Variants in SYT1 observed in about 807,000 individuals in gnomAD.
The protein encoded by SYT1 is synaptotagmin 1.
Under a neutral mutation model 44.8 loss-of-function variants are expected in SYT1, and 8 were observed. That is an observed-to-expected ratio of 0.18 (90% CI 0.10 to 0.32). SYT1 has a LOEUF of 0.32. Ranked by LOEUF, SYT1 falls within the 10% of genes least tolerant of loss-of-function variation. The pLI is 1.00. For missense variants in SYT1, 286 were observed against 509.3 expected (o/e 0.56, Z 4.22); for synonymous variants, 154 against 188.8 (o/e 0.82, Z 1.51).
intron 2 of SYT1, among the ~76,000 whole-genome samples, chr12:79,006,855 C>A (rs111379082): frequency 1.7e-3 from 266 of 152,184 alleles, no homozygotes; most frequent in African/African-American, 5.8e-3. Context: ...CTTTGAAACA[C>A]AGTTTGTTAA....
intron 8 of SYT1, among the ~76,000 whole-genome samples, chr12:79,352,345 G>A (rs1882944574): frequency 6.6e-6 from 1 of 152,106 alleles, no homozygotes; most frequent in South Asian, 2.1e-4. Flanking sequence ...TTACTTGAAA[G>A]TGCCTTAGTA....
intron 9 of SYT1, among the ~76,000 whole-genome samples, chr12:79,395,244 G>A (rs1884820305): frequency 6.6e-6 from 1 of 151,998 alleles, no homozygotes; most frequent in Non-Finnish European, 1.5e-5. Context: ...TTTTGAGATG[G>A]AGTCACTTCT....
chr12:79,397,452 C>A (rs1410442615), intron 9 of SYT1, among the ~76,000 whole-genome samples: 6 of 152,134 alleles, frequency 3.9e-5, no homozygotes, highest in African/African-American at 7.2e-5. Context: ...TGGTCTCGAA[C>A]TCCCGGCTCA....
chr12:78,998,432 G>A (rs1870518107), intron 2 of SYT1, among the ~76,000 whole-genome samples: 1 of 152,084 alleles, frequency 6.6e-6, no homozygotes, highest in African/African-American at 2.4e-5. Context: ...TCAGGGATCT[G>A]GATTATGAGC....
At chr12:79,387,253 G>A (rs926720378) in intron 9 of SYT1, among the ~76,000 whole-genome samples, 3 of 152,128 alleles carry the variant, frequency 2.0e-5, no homozygotes, top group African/African-American at 7.2e-5. Flanking sequence ...CAGTTGAAGA[G>A]ACAGTAACCC....
chr12:78,962,332 C>CTTTTT (rs35875550), intron 1 of SYT1, among the ~76,000 whole-genome samples: 26 of 130,092 alleles, frequency 2.0e-4, no homozygotes, highest in South Asian at 2.5e-4. Flanking sequence ...AGCATTCTTT[C>CTTTTT]TTTTTTTTTT....
chr12:79,030,929 G>A (rs1338328175), intron 2 of SYT1, among the ~76,000 whole-genome samples: 1 of 150,886 alleles, frequency 6.6e-6, no homozygotes, highest in Admixed American at 6.6e-5. Flanking sequence ...GATATGTTAT[G>A]TCTCCAGTAG....
intron 2 of SYT1, among the ~76,000 whole-genome samples, chr12:78,985,115 G>A (rs1253167801): frequency 6.6e-6 from 1 of 151,704 alleles, no homozygotes; most frequent in African/African-American, 2.4e-5. Flanking sequence ...AATATTCTGA[G>A]AAGAGAATGT....
intron 5 of SYT1, among the ~76,000 whole-genome samples, chr12:79,286,205 C>T (rs1440650493): frequency 6.6e-6 from 1 of 152,138 alleles, no homozygotes; most frequent in Non-Finnish European, 1.5e-5. Flanking sequence ...GATCATCAGG[C>T]CCATCTTGAT....
At chr12:79,307,634 G>A (rs1880466558) in intron 8 of SYT1, among the ~76,000 whole-genome samples, 1 of 132,734 alleles carries the variant, frequency 7.5e-6, no homozygotes, top group Non-Finnish European at 1.7e-5. Context: ...GGGTGGGGGG[G>A]CGTGGGGGGG....
At chr12:79,238,376 T>C (rs1565869589) in intron 4 of SYT1, among the ~76,000 whole-genome samples, 1 of 152,188 alleles carries the variant, frequency 6.6e-6, no homozygotes. Flanking sequence ...GCTTCAGATA[T>C]ATCACAGAAG....
At chr12:79,026,435 A>T (rs1209459044) in intron 2 of SYT1, among the ~76,000 whole-genome samples, 1 of 151,292 alleles carries the variant, frequency 6.6e-6, no homozygotes, top group Non-Finnish European at 1.5e-5. Flanking sequence ...TATCCATTTA[A>T]CATGTTCTTT....
chr12:79,005,330 A>AC (rs1871007661), intron 2 of SYT1, among the ~76,000 whole-genome samples: 1 of 151,814 alleles, frequency 6.6e-6, no homozygotes, highest in East Asian at 1.9e-4. Context: ...TAGAAAGTAT[A>AC]CCCCCCATGG....
chr12:78,881,671 A>C (rs1874461724), intron 1 of SYT1, among the ~76,000 whole-genome samples: 1 of 151,682 alleles, frequency 6.6e-6, no homozygotes. Context: ...AGCTTCATGC[A>C]GTCTAGGGAA....
chr12:79,148,376 C>T (rs1025037660), intron 3 of SYT1, among the ~76,000 whole-genome samples: 1 of 151,880 alleles, frequency 6.6e-6, no homozygotes, highest in African/African-American at 2.4e-5. Flanking sequence ...CTTTTTTTCC[C>T]GTAAAATTGT....
chr12:78,869,586 T>C (rs748374699), intron 1 of SYT1, among the ~76,000 whole-genome samples: 9 of 151,978 alleles, frequency 5.9e-5, no homozygotes, highest in Non-Finnish European at 1.2e-4. Context: ...GAATCCTAGT[T>C]TTAAAATGGC....
chr12:79,104,756 G>A (rs1592752171), intron 3 of SYT1, among the ~76,000 whole-genome samples: 1 of 151,960 alleles, frequency 6.6e-6, no homozygotes, highest in South Asian at 2.1e-4. Flanking sequence ...TAGGATAATA[G>A]CAAGTTGCTT....
At chr12:78,947,143 T>A (rs117040068) in intron 1 of SYT1, among the ~76,000 whole-genome samples, 404 of 152,318 alleles carry the variant, frequency 2.7e-3, no homozygotes, top group Non-Finnish European at 4.5e-3. Flanking sequence ...TCCCAAAAGA[T>A]TTGCAACTAC....
At chr12:78,901,116 C>T (rs562862514) in intron 1 of SYT1, among the ~76,000 whole-genome samples, 1 of 150,708 alleles carries the variant, frequency 6.6e-6, no homozygotes, top group Admixed American at 6.6e-5. Flanking sequence ...TAATCCATTG[C>T]TTCTCTAACC....
Sources: allele counts gnomAD v4.1 joint callset (sites outside exome capture counted in the v4.1 genomes callset), GRCh38; gene constraint gnomAD v4.1.1; transcripts MANE v1.5; gene names NCBI Gene and HGNC (gene_info 2026-07-23, HGNC 2026-07-21).